CDH7: variants seen among roughly 807,000 people sequenced by gnomAD.
CDH7 encodes the protein cadherin-7.
A neutral mutation model predicts 71.8 loss-of-function variants in CDH7; 25 were observed. The ratio of observed to expected loss-of-function variants is 0.35; its 90% CI spans 0.25 to 0.49. The LOEUF (loss-of-function observed/expected upper bound fraction) is 0.49. CDH7 is among the 20% of genes least tolerant of loss of function. CDH7 has a pLI of 0.99. For synonymous variants in CDH7, 381 were observed against 363.8 expected (o/e 1.05, Z -0.54); for missense variants, 862 against 974.6 (o/e 0.88, Z 1.54).
Position 65,814,361 on chromosome 18 carries a change from G to A in CDH7, c.506-124G>A. 2.9e-6 allele frequency: 3 copies of A among 1,040,982 alleles called. No individual in the cohort carries two copies. In the South Asian group the frequency reaches 4.0e-5, roughly 14 times the overall value. The allele number at this position is 1,040,982 out of a possible 1,614,324, so 64.5% of individuals were successfully genotyped here. ...AAATACTGTATCCATTTTTTTATGTGTCTTGAAAAAGATAAATGAAAATTT... is the reference window on the plus strand; with the variant it reads ...AAATACTGTATCCATTTTTTTATGTATCTTGAAAAAGATAAATGAAAATTT... On this transcript the variant is annotated intron_variant, in intron 3 of 11. Coordinates refer to ENST00000397968, the MANE Select transcript of CDH7 (RefSeq NM_004361.5).
intron 3 of CDH7, among the ~76,000 whole-genome samples, chr18:65,811,351 T>A (rs1409708305): frequency 6.6e-6 from 1 of 152,166 alleles, no homozygotes; most frequent in East Asian, 1.9e-4. Flanking sequence ...GGGAAATTAT[T>A]TGGGTTACCA....
rs766690155 is a variant in CDH7, at chr18:65,824,698, G to C, written c.848G>C (p.Arg283Thr). ...TTACCTGTAGCCTCAGTTGTGGCCA[G>C]AATTAAAGCTGCTGATGCAGATATT... is the stretch of plus-strand genomic sequence containing the variant. ...ESLPVASVVA[R>T]IKAADADIGA... The change falls in exon 6 of 12, where the codon AGA becomes ACA. Residue 283 changes from arginine (R) to threonine (T), a missense_variant. Coordinates refer to ENST00000397968, the MANE Select transcript of CDH7 (RefSeq NM_004361.5). 1.2e-6 allele frequency: 2 copies of C among 1,612,444 alleles called. No homozygotes were observed.
intron 2 of CDH7, among the ~76,000 whole-genome samples, chr18:65,763,497 C>G (rs1412849585): frequency 6.6e-6 from 1 of 151,996 alleles, no homozygotes; most frequent in Non-Finnish European, 1.5e-5. Flanking sequence ...CTGATACTTG[C>G]AGTGGAAAAA....
chr18:65,796,519 A>G (rs1380392559), intron 2 of CDH7, among the ~76,000 whole-genome samples: 1 of 152,188 alleles, frequency 6.6e-6, no homozygotes, highest in East Asian at 1.9e-4. Context: ...ATATTTATTG[A>G]CTGTGTTAAT....
chr18:65,768,723 CTG>C (rs1315205902), intron 2 of CDH7, among the ~76,000 whole-genome samples: 1 of 152,092 alleles, frequency 6.6e-6, no homozygotes, highest in East Asian at 1.9e-4. Flanking sequence ...AGGACAGTCA[CTG>C]AGACTTTGCT....
At chr18:65,880,309 C>T in intron 11 of CDH7, 92 bp from the exon 12 acceptor site, 1 of 1,310,232 alleles carries the variant, frequency 7.6e-7, no homozygotes, top group Non-Finnish European at 1.0e-6. Flanking sequence ...GGGAAGAAAA[C>T]CTGTAACTCA....
At chr18:65,755,387 A>G (rs1916002926) in intron 1 of CDH7, among the ~76,000 whole-genome samples, 1 of 152,212 alleles carries the variant, frequency 6.6e-6, no homozygotes, top group Admixed American at 6.5e-5. Context: ...GGGAATCTTC[A>G]AACTTAAGGA....
Position 65,844,076 on chromosome 18 carries a change from A to G in CDH7, c.1235+11A>G. The G allele has an allele frequency of 6.2e-7, 1 of 1,609,214 alleles. No homozygotes were observed. ...CAATAGCCCTGTGAGGTAAAAACTC[A>G]TTGTTGTCCTTTTCTATGGTTTTAC... On this transcript the variant is annotated intron_variant, in intron 7 of 11. Coordinates refer to ENST00000397968, the MANE Select transcript of CDH7 (RefSeq NM_004361.5).
chr18:65,768,926 T>A (rs1916461217), intron 2 of CDH7, among the ~76,000 whole-genome samples: 1 of 152,152 alleles, frequency 6.6e-6, no homozygotes, highest in South Asian at 2.1e-4. Flanking sequence ...GTTTACTTTC[T>A]TCTTTTCTCT....
chr18:65,816,722 C>A (rs1911736809), intron 4 of CDH7, among the ~76,000 whole-genome samples: 1 of 152,072 alleles, frequency 6.6e-6, no homozygotes, highest in South Asian at 2.1e-4. Flanking sequence ...ATTTCTCCTT[C>A]CCCCAACCTA....
chr18:65,876,563 C>A (rs1200364545), intron 11 of CDH7, among the ~76,000 whole-genome samples: 2 of 152,106 alleles, frequency 1.3e-5, no homozygotes, highest in Non-Finnish European at 2.9e-5. Context: ...CAAGTATGTT[C>A]TTCCATATCA....
chr18:65,791,527 A>G (rs113728513), intron 2 of CDH7, among the ~76,000 whole-genome samples: 1,675 of 152,310 alleles, frequency 0.011, 23 homozygotes, highest in African/African-American at 0.039. Context: ...AATAAGCAGT[A>G]GAGTCAAACC....
At chr18:65,854,873 T>A (rs1225120248) in intron 7 of CDH7, among the ~76,000 whole-genome samples, 1 of 151,974 alleles carries the variant, frequency 6.6e-6, no homozygotes, top group Admixed American at 6.6e-5. Context: ...ATTTTATATA[T>A]GTATATTGGT....
intron 4 of CDH7, among the ~76,000 whole-genome samples, chr18:65,816,155 G>A (rs1175211131): frequency 6.6e-6 from 1 of 151,984 alleles, no homozygotes; most frequent in African/African-American, 2.4e-5. Context: ...GAGTTGAAAG[G>A]ATTGTGTGTT....
chr18:65,765,005 C>A (rs1396209906), intron 2 of CDH7, among the ~76,000 whole-genome samples: 1 of 151,924 alleles, frequency 6.6e-6, no homozygotes, highest in Non-Finnish European at 1.5e-5. Flanking sequence ...TGTGTAGTTT[C>A]TTGATTAGGT....
Position 65,822,251 on chromosome 18 carries a change from A to G in CDH7, c.793+3A>G, listed in dbSNP as rs964767760. ...TAATCCACCTCGCTTTCCTCGAAGT[A>G]AGTTGTTTTCTTAAGTGACACAAGT... On this transcript the variant is annotated splice_donor_region_variant and intron_variant, in intron 5 of 11. Coordinates refer to ENST00000397968, the MANE Select transcript of CDH7 (RefSeq NM_004361.5). The G allele has an allele frequency of 6.2e-7, 1 of 1,603,330 alleles. No homozygotes were observed. Among genetic ancestry groups the G allele is most frequent in the Non-Finnish European group, 8.5e-7 (1 of 1,171,402 alleles).
intron 2 of CDH7, among the ~76,000 whole-genome samples, chr18:65,805,813 G>A (rs1055138325): frequency 6.6e-5 from 10 of 152,240 alleles, no homozygotes; most frequent in African/African-American, 2.4e-4. Flanking sequence ...AGATACTCTT[G>A]TAGACAAAAA....
intron 7 of CDH7, among the ~76,000 whole-genome samples, chr18:65,849,177 C>T (rs986693797): frequency 1.3e-5 from 2 of 151,904 alleles, no homozygotes; most frequent in Non-Finnish European, 2.9e-5. Context: ...CAAAATGCTG[C>T]TCATTTTAGC....
At chr18:65,757,187 G>A (rs565388844) in intron 1 of CDH7, among the ~76,000 whole-genome samples, 116 of 152,162 alleles carry the variant, frequency 7.6e-4, no homozygotes, top group African/African-American at 2.6e-3. Flanking sequence ...CCAAGAAAAC[G>A]TTATAGTAAT....
Sources: gnomAD v4.1 joint callset for allele counts (sites outside exome capture counted in the v4.1 genomes callset) on GRCh38, gnomAD v4.1.1 for gene constraint, MANE v1.5 for transcripts, NCBI Gene and HGNC (gene_info 2026-07-23, HGNC 2026-07-21) for gene names.